The following GAS7 variants were observed in gnomAD, a reference collection of about 807,000 sequenced individuals.
The protein encoded by GAS7 is growth arrest specific 7, also known as growth arrest-specific protein 7.
A neutral mutation model predicts 71.1 loss-of-function variants in GAS7; 28 were observed. The observed-to-expected ratio is 0.39, with a 90% CI of 0.29 to 0.54. The LOEUF (loss-of-function observed/expected upper bound fraction) is 0.54, where lower values mean the gene tolerates loss of function less well. Ranked by LOEUF, GAS7 falls within the 20% of genes least tolerant of loss-of-function variation. The pLI is 0.62. For missense variants in GAS7, 436 were observed against 627.8 expected, an observed-to-expected ratio of 0.69 and a Z score of 3.27; for synonymous variants, 258 against 245.8, an observed-to-expected ratio of 1.05 and a Z score of -0.46.
intron 2 of GAS7, among the ~76,000 whole-genome samples, chr17:9,999,789 C>T (rs7223636): frequency 6.5e-4 from 99 of 152,070 alleles, no homozygotes; most frequent in African/African-American, 2.3e-3. Flanking sequence ...TATTCTCAAA[C>T]GTCAAAAATG....
At chr17:10,021,675 A>G (rs1293146355) in intron 1 of GAS7, among the ~76,000 whole-genome samples, 1 of 152,180 alleles carries the variant, frequency 6.6e-6, no homozygotes, top group Non-Finnish European at 1.5e-5. Flanking sequence ...GTGGCATCCC[A>G]CCAGGGTCGC....
intron 1 of GAS7, among the ~76,000 whole-genome samples, chr17:10,145,964 T>C (rs559944364): frequency 6.6e-6 from 1 of 152,174 alleles, no homozygotes; most frequent in African/African-American, 2.4e-5. Context: ...TTCCAGAGGG[T>C]GAGGCCCAGG....
intron 1 of GAS7, among the ~76,000 whole-genome samples, chr17:10,023,703 C>T (rs1377554904): frequency 6.6e-6 from 1 of 152,186 alleles, no homozygotes; most frequent in Non-Finnish European, 1.5e-5. Flanking sequence ...AATGGGTACA[C>T]GTTTTCCCTT....
At chr17:10,157,041 T>C (rs2074210766) in intron 1 of GAS7, among the ~76,000 whole-genome samples, 1 of 152,026 alleles carries the variant, frequency 6.6e-6, no homozygotes, top group Non-Finnish European at 1.5e-5. Flanking sequence ...AAATGACATC[T>C]GAGAAGAAAC....
chr17:9,992,517 A>C (rs2070881711), intron 2 of GAS7, among the ~76,000 whole-genome samples: 1 of 151,708 alleles, frequency 6.6e-6, no homozygotes, highest in Admixed American at 6.6e-5. Context: ...AGGCAGCAGG[A>C]GTCGGGGAGG....
chr17:10,145,588 A>T (rs908134428), intron 1 of GAS7, among the ~76,000 whole-genome samples: 2 of 152,250 alleles, frequency 1.3e-5, no homozygotes, highest in Non-Finnish European at 2.9e-5. Context: ...TTCCTGCAGC[A>T]GCAGCAGCCG....
At chr17:10,043,526 C>A (rs554458870) in intron 1 of GAS7, among the ~76,000 whole-genome samples, 9 of 152,136 alleles carry the variant, frequency 5.9e-5, no homozygotes, top group African/African-American at 2.2e-4. Flanking sequence ...GAAGCCTTAG[C>A]GATAACCTAA....
chr17:9,949,956 G>A (rs2068941938), intron 5 of GAS7, among the ~76,000 whole-genome samples: 1 of 148,456 alleles, frequency 6.7e-6, no homozygotes, highest in Non-Finnish European at 1.5e-5. Flanking sequence ...CTGCTTCACT[G>A]GCTCAAGTGA....
intron 1 of GAS7, among the ~76,000 whole-genome samples, chr17:10,035,164 C>T (rs1176032483): frequency 6.6e-6 from 1 of 150,910 alleles, no homozygotes; most frequent in African/African-American, 2.4e-5. Flanking sequence ...CTACTCCCTC[C>T]ACCCCCATGA....
At chr17:9,964,317 C>G (rs375522851) in intron 4 of GAS7, among the ~76,000 whole-genome samples, 47 of 152,264 alleles carry the variant, frequency 3.1e-4, no homozygotes, top group African/African-American at 7.5e-4. Flanking sequence ...TTCCTCCCCC[C>G]CTGCAAATAA....
In GAS7 at chr17:9,946,927, T is replaced by C; in HGVS notation, c.582A>G (p.Lys194=). 6.2e-7 allele frequency: 1 copy of C among 1,613,228 alleles called. No homozygotes were observed. Among genetic ancestry groups the C allele is most frequent in the Non-Finnish European group, 8.5e-7 (1 of 1,179,242 alleles). ...PDTMPEQQLL[K]PTEWSYCDYF... ...AGTCGCAGTAGCTCCACTCGGTTGG[T>C]TTCAGCAGCTGCTGTTCCGGCATCG... Residue 194 remains lysine, a synonymous_variant, in exon 6 of 14, where the codon AAA becomes AAG. Coordinates refer to ENST00000432992, the MANE Select transcript of GAS7 (RefSeq NM_201433.2).
chr17:10,078,831 T>C (rs1032435624), intron 1 of GAS7, among the ~76,000 whole-genome samples: 8 of 152,178 alleles, frequency 5.3e-5, no homozygotes, highest in African/African-American at 1.7e-4. Context: ...GGAGGACTGC[T>C]TGAGGCCAGG....
rs571779564 is a variant in GAS7, at chr17:10,005,067, ATGCACGCATACATGCGTGTG to A, written c.304+14690_304+14709del. Among the ~76,000 whole-genome samples, 117 of 138,792 alleles carry A rather than the reference ATGCACGCATACATGCGTGTG, an allele frequency of 8.4e-4. 1 individual carries two copies. Among genetic ancestry groups the A allele is most frequent in the Middle Eastern group, 7.6e-3 (2 of 262 alleles). The allele number at this position is 138,792 out of a possible 152,430, so 91.1% of individuals were successfully genotyped here. A position where few individuals can be genotyped will look rare whatever the true frequency, so the allele number is the denominator to read the frequency against. On this transcript the variant is annotated intron_variant, in intron 2 of 13. Coordinates refer to ENST00000432992, the MANE Select transcript of GAS7 (RefSeq NM_201433.2). ...CATATATATACACATATATGTGTGT[ATGCACGCATACATGCGTGTG>A]TGCACGCATACATGCATGTGTGTGC... is the stretch of plus-strand genomic sequence containing the variant.
intron 1 of GAS7, among the ~76,000 whole-genome samples, chr17:10,137,680 CA>C (rs2074049467): frequency 6.6e-6 from 1 of 151,944 alleles, no homozygotes; most frequent in African/African-American, 2.4e-5. Flanking sequence ...GCTGGGATTA[CA>C]GGTGCATGCC....
chr17:10,056,123 C>T (rs1214731589), intron 1 of GAS7, among the ~76,000 whole-genome samples: 2 of 151,670 alleles, frequency 1.3e-5, no homozygotes, highest in Admixed American at 6.6e-5. Context: ...ATCTATAATC[C>T]CAGCACTTTG....
intron 2 of GAS7, among the ~76,000 whole-genome samples, chr17:9,986,211 C>T (rs950412289): frequency 9.2e-5 from 14 of 152,184 alleles, no homozygotes; most frequent in African/African-American, 2.4e-4. Flanking sequence ...GAATAAACAG[C>T]AGGGAAAAGG....
At chr17:10,129,905 G>A (rs2073982539) in intron 1 of GAS7, among the ~76,000 whole-genome samples, 1 of 152,208 alleles carries the variant, frequency 6.6e-6, no homozygotes, top group Non-Finnish European at 1.5e-5. Flanking sequence ...AGGGCATGGT[G>A]GCTCACGCCT....
intron 9 of GAS7, among the ~76,000 whole-genome samples, chr17:9,932,490 G>T (rs1389358770): frequency 6.6e-6 from 1 of 152,180 alleles, no homozygotes; most frequent in Non-Finnish European, 1.5e-5. Flanking sequence ...ACCACGCCTG[G>T]CCCCTTTCTT....
In GAS7 at chr17:9,943,782, G is replaced by A. The variant is rs182931417; in HGVS notation, c.616-546C>T. On this transcript the variant is annotated intron_variant, in intron 6 of 13. Coordinates refer to ENST00000432992, the MANE Select transcript of GAS7 (RefSeq NM_201433.2). ...AGAGAAAGTGGGTTGAAGGGAGGCC[G>A]GAGGAGAGAACAGGACAGGCTGCCC... Among the ~76,000 whole-genome samples the A allele has an allele frequency of 2.5e-3, 377 of 152,246 alleles. 3 individuals carry two copies. The highest frequency in any genetic ancestry group is 9.7e-4 in the East Asian group (5 of 5,176).
Sources: allele counts gnomAD v4.1 joint callset (sites outside exome capture counted in the v4.1 genomes callset), GRCh38; gene constraint gnomAD v4.1.1; transcripts MANE v1.5; gene names NCBI Gene and HGNC (gene_info 2026-07-23, HGNC 2026-07-21).